STN1: variants seen among roughly 807,000 people sequenced by gnomAD.
STN1 encodes CST complex subunit STN1.
Under a neutral mutation model 45.5 loss-of-function variants are expected in STN1, and 29 were observed. The observed-to-expected ratio is 0.64, with a 90% CI of 0.47 to 0.87. The LOEUF (loss-of-function observed/expected upper bound fraction) is 0.87, where lower values mean the gene tolerates loss of function less well. Ranked by LOEUF, STN1 falls within the 40% of genes least tolerant of loss-of-function variation. STN1 has a pLI of 0.00. For missense variants in STN1, 376 were observed against 441.4 expected, an observed-to-expected ratio of 0.85 and a Z score of 1.33; for synonymous variants, 148 against 159.0, an observed-to-expected ratio of 0.93 and a Z score of 0.52.
At chr10:103,893,942 C>G (rs1438819942) in intron 7 of STN1, among the ~76,000 whole-genome samples, 1 of 152,210 alleles carries the variant, frequency 6.6e-6, no homozygotes, top group Non-Finnish European at 1.5e-5. Context: ...AGCTTCCATT[C>G]AGAAGGGAGA....
At chr10:103,899,207 T>C (rs1394933920) in intron 5 of STN1, among the ~76,000 whole-genome samples, 1 of 152,160 alleles carries the variant, frequency 6.6e-6, no homozygotes, top group Non-Finnish European at 1.5e-5. Flanking sequence ...CTAAGTGTCA[T>C]GGGCTTGGCC....
chr10:103,885,492 C>T (rs1463435051), intron 9 of STN1, among the ~76,000 whole-genome samples: 1 of 152,172 alleles, frequency 6.6e-6, no homozygotes, highest in African/African-American at 2.4e-5. Context: ...GGCTGTTCTG[C>T]TGAGGGTTAT....
In STN1 at chr10:103,882,676, G is replaced by A; in HGVS notation, c.*8C>T. 6.3e-7 allele frequency: 1 copy of A among 1,599,778 alleles called. No individual in the cohort carries two copies. The highest frequency in any genetic ancestry group is 8.5e-7 in the Non-Finnish European group (1 of 1,170,694). ...TTTGTCCTCCTCAGCTGGTCTGCGTGTCTCTGCTCAGAACGCTGTGTAGTA... is the reference window on the plus strand; with the variant it reads ...TTTGTCCTCCTCAGCTGGTCTGCGTATCTCTGCTCAGAACGCTGTGTAGTA... On this transcript the variant is annotated 3_prime_UTR_variant, in exon 10 of 10. Transcript: ENST00000224950.
At chr10:103,917,336 G>A in intron 2 of STN1, 126 bp downstream of exon 2, 1 of 746,952 alleles carries the variant, frequency 1.3e-6, no homozygotes. Context: ...GAAGGTCCAG[G>A]CTAGGTCCCT....
rs564975160 is a variant in STN1, at chr10:103,893,294, G to A, written c.754-1042C>T. ...TGCCATTCTCCTGCCTCAGCCTCCC[G>A]AGTAGCTGGGACTACAGGCGCCTGC... On this transcript the variant is annotated intron_variant, in intron 7 of 9. Transcript: ENST00000224950. 1.2e-4 allele frequency among the ~76,000 whole-genome samples: 18 copies of A among 151,906 alleles called. No individual in the cohort carries two copies. In the South Asian group the frequency reaches 2.9e-3, roughly 25 times the overall value.
intron 6 of STN1, 52 bp downstream of exon 6, chr10:103,898,825 C>T: frequency 1.2e-6 from 2 of 1,606,788 alleles, no homozygotes; most frequent in Non-Finnish European, 1.7e-6. Flanking sequence ...GGCTCAGCTG[C>T]TTCAGTTTTC....
intron 2 of STN1, 111 bp downstream of exon 2, chr10:103,917,351 A>G: frequency 2.0e-6 from 2 of 991,758 alleles, no homozygotes; most frequent in Non-Finnish European, 2.9e-6. Context: ...GTCCCTTTCA[A>G]AGCCTGCAGC....
At chr10:103,916,458 C>T (rs936672239) in intron 2 of STN1, among the ~76,000 whole-genome samples, 6 of 152,076 alleles carry the variant, frequency 3.9e-5, no homozygotes, top group Non-Finnish European at 8.8e-5. Context: ...AAAGGTGTGG[C>T]GAAAAATCTG....
At chr10:103,906,526 T>G (rs1479432773) in intron 3 of STN1, among the ~76,000 whole-genome samples, 3 of 151,918 alleles carry the variant, frequency 2.0e-5, no homozygotes, top group African/African-American at 7.3e-5. Flanking sequence ...CCAGGCTTGG[T>G]GGTATGTGCC....
rs1053925723 is a variant in STN1 at position 103,898,780 on chromosome 10, T to C, written c.581+97A>G. The C allele has an allele frequency of 1.6e-5, 23 of 1,434,956 alleles. No homozygotes were observed. The Admixed American group carries it at 4.1e-4, about 25-fold the overall frequency. The allele number at this position is 1,434,956 out of a possible 1,614,324, so 88.9% of individuals were successfully genotyped here. A position where few individuals can be genotyped will look rare whatever the true frequency, so the allele number is the denominator to read the frequency against. ...AGCCCCACAGTGCATAGGTGGATGA[T>C]TCGGGATTTGAACCTAGGCCGATCC... On this transcript the variant is annotated intron_variant, in intron 6 of 9. Coordinates refer to ENST00000224950, the MANE Select transcript of STN1 (RefSeq NM_024928.5).
chr10:103,906,601 C>T (rs755426822), intron 3 of STN1, among the ~76,000 whole-genome samples: 23 of 151,844 alleles, frequency 1.5e-4, no homozygotes, highest in Non-Finnish European at 3.1e-4. Context: ...TTCAAGGCTG[C>T]AGTGAGCCAT....
chr10:103,913,615 G>C (rs896484019), intron 2 of STN1, among the ~76,000 whole-genome samples: 1 of 152,100 alleles, frequency 6.6e-6, no homozygotes, highest in Non-Finnish European at 1.5e-5. Flanking sequence ...TGAACTATAC[G>C]TATCAGATGC....
chr10:103,913,874 A>G (rs1029683934), intron 2 of STN1, among the ~76,000 whole-genome samples: 1 of 152,010 alleles, frequency 6.6e-6, no homozygotes, highest in Non-Finnish European at 1.5e-5. Context: ...GAGGCCTAAA[A>G]GCATCAGAGG....
chr10:103,899,203 G>A (rs1334180927), intron 5 of STN1, among the ~76,000 whole-genome samples: 1 of 152,218 alleles, frequency 6.6e-6, no homozygotes, highest in Admixed American at 6.5e-5. Context: ...TGCCCTAAGT[G>A]TCATGGGCTT....
rs567238057 is a variant in STN1, at chr10:103,879,256, A to G, written c.*3428T>C. ...AGGTGCTGGGGACATGGAAGGAAAC[A>G]AAACAGAGAATTCTGCCATCATGGA... is the stretch of plus-strand genomic sequence containing the variant. On this transcript the variant is annotated 3_prime_UTR_variant, in exon 10 of 10. Transcript: ENST00000224950. 1 of 152,586 alleles carries G rather than the reference A, an allele frequency of 6.6e-6. No individual in the cohort carries two copies. The highest frequency in any genetic ancestry group is 1.5e-5 in the Non-Finnish European group (1 of 68,218). The allele number at this position is 152,586 out of a possible 1,614,324, so 9.5% of individuals were successfully genotyped here. A position where few individuals can be genotyped will look rare whatever the true frequency, so the allele number is the denominator to read the frequency against.
Position 103,899,014 on chromosome 10 carries a change from A to G in STN1, c.458-14T>C. On this transcript the variant is annotated splice_polypyrimidine_tract_variant and intron_variant, in intron 5 of 9. Coordinates refer to ENST00000224950, the MANE Select transcript of STN1 (RefSeq NM_024928.5). ...CGTCCACTTTATCTAACAAGTGACC[A>G]GAAAAAAGATGCTACAGAAATTACA... The G allele has an allele frequency of 6.2e-7, 1 of 1,613,528 alleles. No individual in the cohort carries two copies. The highest frequency in any genetic ancestry group is 8.5e-7 in the Non-Finnish European group (1 of 1,179,774).
chr10:103,901,838 GA>G (rs1474834705), intron 4 of STN1, among the ~76,000 whole-genome samples: 1 of 152,042 alleles, frequency 6.6e-6, no homozygotes, highest in Non-Finnish European at 1.5e-5. Context: ...ATGCTTGCCA[GA>G]AAAAAATGAT....
intron 8 of STN1, among the ~76,000 whole-genome samples, chr10:103,891,710 T>A (rs1843140749): frequency 6.6e-6 from 1 of 152,230 alleles, no homozygotes; most frequent in Non-Finnish European, 1.5e-5. Context: ...AATGTACAGA[T>A]AAATGTCTAG....
intron 9 of STN1, among the ~76,000 whole-genome samples, chr10:103,884,385 A>G (rs1424221843): frequency 2.6e-5 from 4 of 152,170 alleles, no homozygotes; most frequent in Non-Finnish European, 4.4e-5. Flanking sequence ...AATATCTTGC[A>G]TTGTAATTTG....
Sources: gnomAD v4.1 joint callset for allele counts (sites outside exome capture counted in the v4.1 genomes callset) on GRCh38, gnomAD v4.1.1 for gene constraint, MANE v1.5 for transcripts, NCBI Gene and HGNC (gene_info 2026-07-23, HGNC 2026-07-21) for gene names.